The following M1AP variants were observed in gnomAD, a reference collection of about 807,000 sequenced individuals.
The protein encoded by M1AP is meiosis 1 arrest protein.
M1AP carries 39 observed loss-of-function variants against 51.2 expected under a neutral mutation model. The observed-to-expected ratio is 0.76, with a 90% CI of 0.59 to 1.00. The LOEUF is 1.00. Among genes scored for constraint, M1AP ranks in the 50% least tolerant of loss-of-function variants. The probability of loss-of-function intolerance (pLI) is 0.00; values close to 1 mark genes in which losing one functional copy is unlikely to be tolerated. For missense variants in M1AP, 545 were observed against 641.2 expected, an observed-to-expected ratio of 0.85 and a Z score of 1.62; for synonymous variants, 251 against 249.2, an observed-to-expected ratio of 1.01 and a Z score of -0.07.
intron 2 of M1AP, among the ~76,000 whole-genome samples, chr2:74,625,095 G>C (rs1204031371): frequency 6.6e-6 from 1 of 152,140 alleles, no homozygotes; most frequent in Non-Finnish European, 1.5e-5. Flanking sequence ...TCATGAAAAT[G>C]TGTCACAGAA....
chr2:74,595,624 T>C (rs1041388302), intron 4 of M1AP, among the ~76,000 whole-genome samples: 3 of 152,184 alleles, frequency 2.0e-5, no homozygotes, highest in Admixed American at 2.0e-4. Context: ...GGTGCTGGGA[T>C]TGTAGGCTAA....
intron 4 of M1AP, among the ~76,000 whole-genome samples, chr2:74,591,505 C>T (rs1358193352): frequency 6.6e-6 from 1 of 152,052 alleles, no homozygotes; most frequent in South Asian, 2.1e-4. Context: ...GAAATATTGT[C>T]ATAGGCACTG....
intron 4 of M1AP, among the ~76,000 whole-genome samples, chr2:74,592,195 G>T (rs1680086811): frequency 6.6e-6 from 1 of 152,102 alleles, no homozygotes; most frequent in African/African-American, 2.4e-5. Flanking sequence ...AGATCTGGGG[G>T]TGTATCTTCA....
intron 2 of M1AP, among the ~76,000 whole-genome samples, chr2:74,633,984 TACTC>T (rs1334985488): frequency 2.0e-5 from 3 of 152,156 alleles, no homozygotes; most frequent in Non-Finnish European, 4.4e-5. Context: ...CTTACATAAA[TACTC>T]AATTAAAAAG....
chr2:74,609,812 T>C (rs533676200), intron 3 of M1AP, among the ~76,000 whole-genome samples: 3 of 152,344 alleles, frequency 2.0e-5, no homozygotes, highest in African/African-American at 7.2e-5. Context: ...TGATTAGTGA[T>C]GTTGAGCATT....
At chr2:74,646,009 G>A (rs1683588088) in intron 1 of M1AP, among the ~76,000 whole-genome samples, 1 of 152,180 alleles carries the variant, frequency 6.6e-6, no homozygotes, top group Non-Finnish European at 1.5e-5. Flanking sequence ...GTAGTATCTA[G>A]CTCTTTAGTT....
chr2:74,627,430 G>A lies in M1AP; in HGVS notation c.241-12281C>T, dbSNP rs551814571. ...GGCTTTCTGGATAATCAAATAATCC[G>A]CAAATAACAATTTAATCTCCTCTTT... On this transcript the variant is annotated intron_variant, in intron 2 of 10. Coordinates refer to ENST00000421985, the MANE Select transcript of M1AP (RefSeq NM_001321739.2). 3.9e-5 allele frequency among the ~76,000 whole-genome samples: 6 copies of A among 152,154 alleles called. No individual in the cohort carries two copies. In the East Asian group the frequency reaches 7.7e-4, roughly 20 times the overall value.
At chr2:74,597,426 A>G (rs1413220568) in intron 4 of M1AP, among the ~76,000 whole-genome samples, 1 of 152,176 alleles carries the variant, frequency 6.6e-6, no homozygotes, top group Non-Finnish European at 1.5e-5. Flanking sequence ...AAAGGGAGAA[A>G]ATCAGTATCT....
At chr2:74,623,503 T>C (rs969594300) in intron 2 of M1AP, among the ~76,000 whole-genome samples, 3 of 117,766 alleles carry the variant, frequency 2.5e-5, no homozygotes, top group African/African-American at 9.5e-5. Context: ...ACTCTGTCTA[T>C]AAAAAAAAAA....
intron 2 of M1AP, among the ~76,000 whole-genome samples, chr2:74,633,120 GGGAGGCACCAGCA>G (rs1026573227): frequency 1.4e-4 from 21 of 152,096 alleles, no homozygotes; most frequent in African/African-American, 5.1e-4. Flanking sequence ...TTTGGTCAAT[GGGAGGCACCAGCA>G]GGAGATCTGC....
intron 2 of M1AP, chr2:74,618,764 C>A: frequency 8.1e-6 from 2 of 246,590 alleles, no homozygotes; most frequent in South Asian, 4.1e-5. Flanking sequence ...TGTGCCAAAC[C>A]CCAAAGAAGT....
At chr2:74,611,172 C>G (rs1466530749) in intron 3 of M1AP, among the ~76,000 whole-genome samples, 1 of 152,150 alleles carries the variant, frequency 6.6e-6, no homozygotes, top group Admixed American at 6.5e-5. Flanking sequence ...GTTTTGGTAT[C>G]AGGGTAATGC....
chr2:74,612,605 T>C (rs1194412487), intron 3 of M1AP, among the ~76,000 whole-genome samples: 1 of 152,216 alleles, frequency 6.6e-6, no homozygotes, highest in Non-Finnish European at 1.5e-5. Flanking sequence ...GGTGCAATGC[T>C]AGGTTGTTTA....
intron 7 of M1AP, among the ~76,000 whole-genome samples, chr2:74,574,540 G>T (rs1203900195): frequency 2.0e-5 from 3 of 152,104 alleles, no homozygotes; most frequent in Non-Finnish European, 4.4e-5. Context: ...TACCCTCCTA[G>T]CTCATTTTCA....
rs193293993 is a variant in M1AP, at chr2:74,572,758, T to C, written c.1074+2680A>G. On this transcript the variant is annotated intron_variant, in intron 7 of 10. Transcript: ENST00000421985. ...TGTGAGGATTAAATGAGGTAAAGTATGCAAAACACTTGGTTAAGTGACTAC... is the reference window on the plus strand; with the variant it reads ...TGTGAGGATTAAATGAGGTAAAGTACGCAAAACACTTGGTTAAGTGACTAC... Among the ~76,000 whole-genome samples the C allele has an allele frequency of 3.1e-3, 473 of 152,314 alleles. 4 individuals are homozygous for C. Among genetic ancestry groups the C allele is most frequent in the Non-Finnish European group, 1.9e-3 (128 of 68,020 alleles).
Position 74,640,209 on chromosome 2 carries a change from G to A in M1AP, c.67C>T (p.Arg23Trp), listed in dbSNP as rs147295604. Reference sequence around the variant, plus strand: ...AGAGCAATGTGCACAATGAGAAGCCGTGGAGGTTGCTGGTCAATCTGAGTG... The same window carrying A: ...AGAGCAATGTGCACAATGAGAAGCCATGGAGGTTGCTGGTCAATCTGAGTG... ...THTQIDQQPP[R>W]LLIVHIALPS... Residue 23 changes from arginine (R) to tryptophan (W), a missense_variant, in exon 2 of 11, where the codon CGG becomes TGG. By Grantham distance (101) the Arg-to-Trp change is moderately radical. Transcript: ENST00000421985. The A allele has an allele frequency of 2.2e-5, 35 of 1,614,140 alleles. No individual in the cohort carries two copies. Among genetic ancestry groups the A allele is most frequent in the South Asian group, 1.9e-4 (17 of 91,084 alleles).
In M1AP at chr2:74,558,631, G is replaced by C. The variant is rs1367306497; in HGVS notation, c.*85C>G. 6.6e-7 allele frequency: 1 copy of C among 1,517,040 alleles called. No individual in the cohort carries two copies. Among genetic ancestry groups the C allele is most frequent in the East Asian group, 2.3e-5 (1 of 42,586 alleles). 94.0% of individuals were successfully genotyped at this position (1,517,040 alleles called of 1,614,324 possible). ...ACTCACAGAGGCTCAGGCGGATAGAGAGCAAGTCTGACCACAGATAGCCAT... is the reference window on the plus strand; with the variant it reads ...ACTCACAGAGGCTCAGGCGGATAGACAGCAAGTCTGACCACAGATAGCCAT... On this transcript the variant is annotated 3_prime_UTR_variant, in exon 11 of 11. Transcript: ENST00000421985.
At chr2:74,635,704 A>C (rs1215022537) in intron 2 of M1AP, among the ~76,000 whole-genome samples, 1 of 152,072 alleles carries the variant, frequency 6.6e-6, no homozygotes, top group Non-Finnish European at 1.5e-5. Context: ...ATTGTCTTTT[A>C]AAATTTCCCT....
intron 2 of M1AP, among the ~76,000 whole-genome samples, chr2:74,616,993 C>T (rs888090686): frequency 6.6e-6 from 1 of 152,162 alleles, no homozygotes; most frequent in African/African-American, 2.4e-5. Context: ...AGAGAAAAAT[C>T]TTGTTTTCTC....
Sources: gnomAD v4.1 joint callset for allele counts (sites outside exome capture counted in the v4.1 genomes callset) on GRCh38, gnomAD v4.1.1 for gene constraint, MANE v1.5 for transcripts, NCBI Gene and HGNC (gene_info 2026-07-23, HGNC 2026-07-21) for gene names.